Variants in LTBP1 observed in about 807,000 individuals in gnomAD.
The protein encoded by LTBP1 is latent transforming growth factor beta binding protein 1, also known as latent-transforming growth factor beta-binding protein 1.
A neutral mutation model predicts 207.6 loss-of-function variants in LTBP1; 129 were observed. That is an observed-to-expected ratio of 0.62 (90% CI 0.54 to 0.72). The LOEUF is 0.72. Ranked by LOEUF, LTBP1 falls within the 30% of genes least tolerant of loss-of-function variation. The pLI is 0.00. For missense variants in LTBP1, 2,281 were observed against 2,217.2 expected (o/e 1.03, Z -0.58); for synonymous variants, 963 against 833.7 (o/e 1.16, Z -2.67).
rs192967915 is a variant in LTBP1, at chr2:33,120,391, A to G, written c.1033+9640A>G. ...GTCTGTTGTTCCCTTCTTTGTGTTC[A>G]TAAGTTCTTATCATTTAGCTCCCAC... On this transcript the variant is annotated intron_variant, in intron 4 of 33. Transcript: ENST00000404816. 2.1e-4 allele frequency among the ~76,000 whole-genome samples: 32 copies of G among 152,220 alleles called. No individual in the cohort carries two copies. The East Asian group carries it at 5.4e-3, about 26-fold the overall frequency.
chr2:33,354,012 A>G (rs563833203), intron 26 of LTBP1, among the ~76,000 whole-genome samples: 2 of 152,168 alleles, frequency 1.3e-5, no homozygotes, highest in East Asian at 3.9e-4. Context: ...GGCTCCCGCC[A>G]CCATGCCCTG....
chr2:33,253,760 A>G (rs993493411), intron 11 of LTBP1, among the ~76,000 whole-genome samples: 1 of 152,158 alleles, frequency 6.6e-6, no homozygotes, highest in African/African-American at 2.4e-5. Flanking sequence ...AGAACCAGAA[A>G]GAACTGTGTT....
Position 33,040,072 on chromosome 2 carries a change from A to C in LTBP1, c.863+18866A>C, listed in dbSNP as rs568163438. On this transcript the variant is annotated intron_variant, in intron 3 of 33. Coordinates refer to ENST00000404816, the MANE Select transcript of LTBP1 (RefSeq NM_206943.4). ...TGGGGAAGGCTAGGTAGAGTAGGGC[A>C]TGGAGGCCCATAGAGATTTCATTCC... is the stretch of plus-strand genomic sequence containing the variant. 2.0e-5 allele frequency among the ~76,000 whole-genome samples: 3 copies of C among 152,306 alleles called. No homozygotes were observed. The East Asian group carries it at 5.8e-4, about 29-fold the overall frequency.
At chr2:33,165,445 A>G (rs1377081320) in intron 5 of LTBP1, among the ~76,000 whole-genome samples, 3 of 152,258 alleles carry the variant, frequency 2.0e-5, no homozygotes, top group Non-Finnish European at 2.9e-5. Flanking sequence ...TTAAAATTTA[A>G]TAGATTATAG....
chr2:33,082,299 G>C (rs2078455431), intron 3 of LTBP1, among the ~76,000 whole-genome samples: 1 of 152,086 alleles, frequency 6.6e-6, no homozygotes, highest in African/African-American at 2.4e-5. Flanking sequence ...AGAACTGTGA[G>C]CCAGTCAATT....
At chr2:33,194,676 A>T (rs772477153) in intron 7 of LTBP1, among the ~76,000 whole-genome samples, 2 of 152,240 alleles carry the variant, frequency 1.3e-5, no homozygotes, top group African/African-American at 2.4e-5. Context: ...TCTGCATACC[A>T]TAAAAGTACA....
intron 2 of LTBP1, among the ~76,000 whole-genome samples, chr2:33,000,372 G>C (rs1685919659): frequency 7.4e-6 from 1 of 135,310 alleles, no homozygotes; most frequent in African/African-American, 2.6e-5. Context: ...TTGTCTGTGA[G>C]GGACATCTGA....
In LTBP1 at chr2:33,000,336, G is replaced by A. The variant is rs1303164586; in HGVS notation, c.566-20573G>A. On this transcript the variant is annotated intron_variant, in intron 2 of 33. Coordinates refer to ENST00000404816, the MANE Select transcript of LTBP1 (RefSeq NM_206943.4). The stretch of plus-strand genomic sequence containing the variant: ...GCAGATGCACCTGAATGTGTATACC[G>A]AGCTACGGAATCCAGGATTCATTCC... Among the ~76,000 whole-genome samples, 11 of 134,546 alleles carry A rather than the reference G, an allele frequency of 8.2e-5. 2 individuals carry two copies. Among genetic ancestry groups the A allele is most frequent in the African/African-American group, 2.3e-4 (9 of 38,616 alleles). 88.3% of individuals were successfully genotyped at this position (134,546 alleles called of 152,430 possible). A position where few individuals can be genotyped will look rare whatever the true frequency, so the allele number is the denominator to read the frequency against.
intron 22 of LTBP1, among the ~76,000 whole-genome samples, chr2:33,304,005 C>T (rs997948219): frequency 6.6e-6 from 1 of 152,186 alleles, no homozygotes; most frequent in Non-Finnish European, 1.5e-5. Context: ...GCATGTTCCT[C>T]GCTTTGTCTC....
intron 3 of LTBP1, among the ~76,000 whole-genome samples, chr2:33,023,359 G>A (rs1236552323): frequency 1.3e-5 from 2 of 152,184 alleles, no homozygotes; most frequent in Non-Finnish European, 2.9e-5. Flanking sequence ...TCGGATGTCA[G>A]ATAAAGGAAC....
chr2:33,089,892 C>A (rs988399627), intron 3 of LTBP1, among the ~76,000 whole-genome samples: 2 of 152,176 alleles, frequency 1.3e-5, no homozygotes, highest in Admixed American at 6.5e-5. Flanking sequence ...CTGAGCTGAG[C>A]AAGCCCTATT....
At chr2:33,291,980 A>G (rs374508897) in intron 19 of LTBP1, among the ~76,000 whole-genome samples, 3 of 152,184 alleles carry the variant, frequency 2.0e-5, no homozygotes, top group Non-Finnish European at 4.4e-5. Flanking sequence ...TAGGCTTAAG[A>G]TGCTTTGATT....
intron 3 of LTBP1, 79 bp from the exon 4 acceptor site, chr2:33,110,503 C>T (rs1210764195): frequency 5.4e-6 from 7 of 1,300,264 alleles, no homozygotes; most frequent in Middle Eastern, 1.9e-4. Flanking sequence ...ACATTTAACT[C>T]GTTGCTTACC....
intron 5 of LTBP1, among the ~76,000 whole-genome samples, chr2:33,150,981 C>G (rs765949709): frequency 2.0e-5 from 3 of 151,736 alleles, no homozygotes; most frequent in Non-Finnish European, 4.4e-5. Flanking sequence ...CTCAAGTGAT[C>G]CATCTGCCTC....
At chr2:33,261,248 A>C (rs1346785578) in intron 13 of LTBP1, among the ~76,000 whole-genome samples, 1 of 152,164 alleles carries the variant, frequency 6.6e-6, no homozygotes, top group Admixed American at 6.5e-5. Context: ...TGATGGGGGA[A>C]ATTCTGTAAA....
At chr2:33,355,743 T>C (rs1417179563) in intron 26 of LTBP1, among the ~76,000 whole-genome samples, 1 of 152,022 alleles carries the variant, frequency 6.6e-6, no homozygotes, top group Non-Finnish European at 1.5e-5. Context: ...CTCCAATCTC[T>C]TGTAATGCCT....
intron 20 of LTBP1, 80 bp downstream of exon 20, chr2:33,293,362 G>A: frequency 1.4e-6 from 2 of 1,388,296 alleles, no homozygotes; most frequent in South Asian, 3.1e-5. Flanking sequence ...TTAGAAAAGG[G>A]AACCCTGCTA....
intron 3 of LTBP1, among the ~76,000 whole-genome samples, chr2:33,054,487 C>G (rs1256109296): frequency 3.3e-5 from 5 of 152,156 alleles, no homozygotes; most frequent in African/African-American, 1.2e-4. Flanking sequence ...AAATGGGTAA[C>G]TTGTTCCCCA....
intron 2 of LTBP1, among the ~76,000 whole-genome samples, chr2:32,996,310 G>A (rs1213611824): frequency 6.6e-6 from 1 of 152,086 alleles, no homozygotes; most frequent in Non-Finnish European, 1.5e-5. Context: ...GGGGCAAGGA[G>A]TCTCTCTAGG....
Sources: allele counts gnomAD v4.1 joint callset (sites outside exome capture counted in the v4.1 genomes callset), GRCh38; gene constraint gnomAD v4.1.1; transcripts MANE v1.5; gene names NCBI Gene and HGNC (gene_info 2026-07-23, HGNC 2026-07-21).